The following PRRG1 variants were observed in gnomAD, a reference collection of about 807,000 sequenced individuals.
PRRG1 encodes the protein proline rich and Gla domain 1, also known as transmembrane gamma-carboxyglutamic acid protein 1.
In PRRG1, 5 loss-of-function variants were observed where a neutral mutation model predicts 11.8. The observed-to-expected ratio is 0.42, with a 90% CI of 0.22 to 0.89. The LOEUF (loss-of-function observed/expected upper bound fraction) is 0.89, where lower values mean the gene tolerates loss of function less well. Ranked by LOEUF, PRRG1 falls within the 40% of genes least tolerant of loss-of-function variation. The pLI is 0.28. For missense variants in PRRG1, 155 were observed against 166.1 expected (o/e 0.93, Z 0.37); for synonymous variants, 66 against 60.4 (o/e 1.09, Z -0.43).
intron 1 of PRRG1, among the ~76,000 whole-genome samples, chrX:37,353,360 CA>C (rs1255622045): frequency 8.9e-6 from 1 of 112,238 alleles, no homozygotes; most frequent in Non-Finnish European, 1.9e-5. Context: ...AGTATTATTA[CA>C]AAAGAGTCAA....
intron 2 of PRRG1, among the ~76,000 whole-genome samples, chrX:37,423,700 A>G (rs1932722972): frequency 1.8e-5 from 2 of 109,536 alleles, no homozygotes; most frequent in South Asian, 7.9e-4. Flanking sequence ...ATATTTTTAT[A>G]CATTTAATGT....
At chrX:37,441,196 A>G in intron 3 of PRRG1, 1 of 814,231 alleles carries the variant, frequency 1.2e-6, no homozygotes, top group Non-Finnish European at 1.5e-6. Context: ...TCAGAATTTA[A>G]GAAAACAATA....
chrX:37,367,496 C>T (rs1348649257), intron 1 of PRRG1, among the ~76,000 whole-genome samples: 1 of 92,944 alleles, frequency 1.1e-5, no homozygotes, highest in Non-Finnish European at 1.9e-5. Flanking sequence ...AGATCTCCTT[C>T]ATATCTCCAA....
At chrX:37,395,838 T>C (rs144438432) in intron 1 of PRRG1, among the ~76,000 whole-genome samples, 2,100 of 111,593 alleles carry the variant, frequency 0.019, 49 homozygotes, top group African/African-American at 0.065. Context: ...ATAAGTAATA[T>C]ATAAAAGAGC....
chrX:37,442,005 C>T (rs919099057), intron 3 of PRRG1: 105 of 768,901 alleles, frequency 1.4e-4, no homozygotes, highest in Non-Finnish European at 1.5e-4. Flanking sequence ...AGACGTGAGC[C>T]CCAGAAGCAG....
At chrX:37,446,335 C>T (rs781885743) in intron 3 of PRRG1, among the ~76,000 whole-genome samples, 1 of 111,625 alleles carries the variant, frequency 9.0e-6, no homozygotes, top group Non-Finnish European at 1.9e-5. Context: ...AATTAGTCTA[C>T]ACAGGTTCCT....
rs1311380243 is a variant in PRRG1, at chrX:37,454,519, T to G, written c.*898T>G. 3.6e-5 allele frequency: 4 copies of G among 112,111 alleles called. No individual in the cohort carries two copies. The highest frequency in any genetic ancestry group is 9.7e-5 in the African/African-American group (3 of 30,796). The allele number at this position is 112,111 out of a possible 1,213,427, so 9.2% of individuals were successfully genotyped here. A position where few individuals can be genotyped will look rare whatever the true frequency, so the allele number is the denominator to read the frequency against. ...CTGTTTTATTGCCTTTTACTGTACG[T>G]TCTACACTCTGTCCTACTCCCACAG... On this transcript the variant is annotated 3_prime_UTR_variant, in exon 4 of 4. Transcript: ENST00000378628.
chrX:37,357,633 T>TC (rs1556366585), intron 1 of PRRG1, among the ~76,000 whole-genome samples: 1 of 112,056 alleles, frequency 8.9e-6, no homozygotes, highest in Non-Finnish European at 1.9e-5. Context: ...CATCCCTTTG[T>TC]CCAGAGTATC....
chrX:37,407,234 G>A (rs1556382298), intron 2 of PRRG1, among the ~76,000 whole-genome samples: 1 of 110,603 alleles, frequency 9.0e-6, no homozygotes, highest in Admixed American at 9.6e-5. Context: ...TGACTGAAAG[G>A]GGGAGGTCTG....
At position 37,455,795 on chromosome X, in the gene PRRG1, G is replaced by A. The variant is rs1556398205; in HGVS notation, c.*2174G>A. The A allele has an allele frequency of 8.9e-6, 1 of 111,968 alleles. No individual in the cohort carries two copies. The highest frequency in any genetic ancestry group is 3.2e-5 in the African/African-American group (1 of 30,828). The allele number at this position is 111,968 out of a possible 1,213,427, so 9.2% of individuals were successfully genotyped here. A position where few individuals can be genotyped will look rare whatever the true frequency, so the allele number is the denominator to read the frequency against. On this transcript the variant is annotated 3_prime_UTR_variant, in exon 4 of 4. Transcript: ENST00000378628. ...CCAGTGAACTGTGTATGTATGTGTG[G>A]GGTTTTTTTCTTTATTTTTAAATGA...
intron 1 of PRRG1, among the ~76,000 whole-genome samples, chrX:37,396,860 A>G (rs1398466166): frequency 3.6e-5 from 4 of 111,578 alleles, no homozygotes; most frequent in Admixed American, 9.5e-5. Context: ...GGGCTGTTCT[A>G]TGCATTGTAG....
rs1556377417 is a variant in PRRG1, at chrX:37,393,923, C to G, written c.-41-12286C>G. ...TTGGGAATGCATTCTGAATCTTGAT[C>G]TAGGTGCCAATTACACAACTGTGTT... On this transcript the variant is annotated intron_variant, in intron 1 of 3. Transcript: ENST00000378628. Among the ~76,000 whole-genome samples the G allele has an allele frequency of 4.5e-5, 5 of 111,687 alleles. No individual in the cohort carries two copies. The South Asian group carries it at 1.9e-3, about 42-fold the overall frequency.
At chrX:37,406,040 G>C (rs782394606) in intron 1 of PRRG1, among the ~76,000 whole-genome samples, 169 bp from the exon 2 acceptor site, 22 of 111,942 alleles carry the variant, frequency 2.0e-4, no homozygotes, top group African/African-American at 7.1e-4. Context: ...TGTCCTCTGA[G>C]GTTAGATTTT....
intron 2 of PRRG1, among the ~76,000 whole-genome samples, chrX:37,424,586 CATA>C (rs1556387919): frequency 9.1e-6 from 1 of 109,979 alleles, no homozygotes; most frequent in African/African-American, 3.3e-5. Flanking sequence ...ATTCCATAAT[CATA>C]ATCTATTCTC....
chrX:37,372,992 C>T (rs11798925), intron 1 of PRRG1, among the ~76,000 whole-genome samples: 15,242 of 111,509 alleles, frequency 0.14, 1,062 homozygotes, highest in Middle Eastern at 0.28. Flanking sequence ...AGATAATGGT[C>T]CAGTTTCACT....
chrX:37,450,677 A>G (rs962181913), intron 3 of PRRG1, among the ~76,000 whole-genome samples: 1 of 112,098 alleles, frequency 8.9e-6, no homozygotes, highest in Admixed American at 9.5e-5. Context: ...ATTTATTGGT[A>G]TTTTTGGATA....
chrX:37,409,454 T>C (rs1268645803), intron 2 of PRRG1, among the ~76,000 whole-genome samples: 1 of 112,291 alleles, frequency 8.9e-6, no homozygotes, highest in African/African-American at 3.2e-5. Flanking sequence ...TAATGTAATC[T>C]GCAAAGATAG....
At position 37,425,889 on chromosome X, in the gene PRRG1, A is replaced by G. The variant is rs1932766206; in HGVS notation, c.60A>G (p.Arg20=). The G allele has an allele frequency of 1.7e-6, 2 of 1,204,375 alleles. No individual in the cohort carries two copies. The highest frequency in any genetic ancestry group is 5.9e-5 in the East Asian group (2 of 33,722). ...ATTCCATATTAAAACGCTACCCAAGAGCTAATGGGTTTTTTGAAGAAATAA... is the reference window on the plus strand; with the variant it reads ...ATTCCATATTAAAACGCTACCCAAGGGCTAATGGGTTTTTTGAAGAAATAA... ...KANSILKRYP[R]ANGFFEEIRQ... Residue 20 remains arginine (R), a synonymous_variant, in exon 3 of 4, where the codon AGA becomes AGG. Coordinates refer to ENST00000378628, the MANE Select transcript of PRRG1 (RefSeq NM_001142395.2).
chrX:37,433,730 T>G (rs913057174), intron 3 of PRRG1, among the ~76,000 whole-genome samples: 1 of 112,328 alleles, frequency 8.9e-6, no homozygotes, highest in Non-Finnish European at 1.9e-5. Context: ...AATGAAGGAA[T>G]GGATTGGCAA....
Sources: gnomAD v4.1 joint callset for allele counts (sites outside exome capture counted in the v4.1 genomes callset) on GRCh38, gnomAD v4.1.1 for gene constraint, MANE v1.5 for transcripts, NCBI Gene and HGNC (gene_info 2026-07-23, HGNC 2026-07-21) for gene names.